FHOD3: variants seen among roughly 807,000 people sequenced by gnomAD.
FHOD3 encodes formin homology 2 domain containing 3, also known as FH1/FH2 domain-containing protein 3.
Under a neutral mutation model 173.0 loss-of-function variants are expected in FHOD3, and 90 were observed. The ratio of observed to expected loss-of-function variants is 0.52; its 90% CI spans 0.44 to 0.62. The LOEUF is 0.62. Among genes scored for constraint, FHOD3 ranks in the 20% least tolerant of loss-of-function variants. FHOD3 has a pLI of 0.00. For synonymous variants in FHOD3, 828 were observed against 823.0 expected, an observed-to-expected ratio of 1.01 and a Z score of -0.10; for missense variants, 1,945 against 2,034.7, an observed-to-expected ratio of 0.96 and a Z score of 0.85.
At chr18:36,426,218 C>A (rs1257190428) in intron 3 of FHOD3, among the ~76,000 whole-genome samples, 5 of 152,108 alleles carry the variant, frequency 3.3e-5, no homozygotes, top group Non-Finnish European at 7.4e-5. Context: ...CACACTATTT[C>A]ATTTCATCCT....
At chr18:36,643,423 A>G (rs2149008374) in intron 10 of FHOD3, among the ~76,000 whole-genome samples, 1 of 152,186 alleles carries the variant, frequency 6.6e-6, no homozygotes, top group Admixed American at 6.5e-5. Context: ...GATGCTGACA[A>G]ATGTCCCCTG....
chr18:36,530,834 T>G (rs1287384562), intron 5 of FHOD3, among the ~76,000 whole-genome samples: 1 of 152,236 alleles, frequency 6.6e-6, no homozygotes, highest in Admixed American at 6.5e-5. Flanking sequence ...GAGTCTTGCA[T>G]TCATCCTGGG....
intron 16 of FHOD3, 32 bp downstream of exon 16, chr18:36,687,210 A>C: frequency 6.5e-7 from 1 of 1,536,200 alleles, no homozygotes; most frequent in Non-Finnish European, 9.0e-7. Context: ...CATTGTAACA[A>C]ATGGCATGTG....
chr18:36,750,099 C>G (rs2042340184), intron 24 of FHOD3, among the ~76,000 whole-genome samples: 1 of 152,102 alleles, frequency 6.6e-6, no homozygotes, highest in South Asian at 2.1e-4. Flanking sequence ...ATCATCCTGG[C>G]TAACACGGTG....
At chr18:36,498,689 A>G (rs1297185772) in intron 3 of FHOD3, among the ~76,000 whole-genome samples, 1 of 152,228 alleles carries the variant, frequency 6.6e-6, no homozygotes, top group African/African-American at 2.4e-5. Context: ...CTGAAAGCAG[A>G]AGGGGAAGGA....
chr18:36,679,117 AATTTCT>A (rs1217186846), intron 14 of FHOD3, among the ~76,000 whole-genome samples: 1 of 151,970 alleles, frequency 6.6e-6, no homozygotes, highest in Admixed American at 6.6e-5. Context: ...GGCTATTCAA[AATTTCT>A]ATTTCTTTCT....
intron 2 of FHOD3, among the ~76,000 whole-genome samples, chr18:36,356,381 G>A (rs1213558959): frequency 1.3e-5 from 2 of 152,204 alleles, no homozygotes; most frequent in African/African-American, 4.8e-5. Context: ...AATCAGAGAT[G>A]TGCACAGAAA....
At chr18:36,712,352 A>G (rs1325858342) in intron 18 of FHOD3, among the ~76,000 whole-genome samples, 1 of 152,242 alleles carries the variant, frequency 6.6e-6, no homozygotes, top group African/African-American at 2.4e-5. Context: ...ATATTGCTTC[A>G]GTGAGCAGTT....
At chr18:36,694,853 G>A (rs184346220) in intron 17 of FHOD3, among the ~76,000 whole-genome samples, 101 of 152,222 alleles carry the variant, frequency 6.6e-4, no homozygotes, top group South Asian at 1.2e-3. Flanking sequence ...GATGTTTGTG[G>A]CAAAAGATAA....
At chr18:36,586,775 T>C (rs1300689226) in intron 6 of FHOD3, among the ~76,000 whole-genome samples, 4 of 152,172 alleles carry the variant, frequency 2.6e-5, no homozygotes, top group Non-Finnish European at 5.9e-5. Flanking sequence ...CCACCGTGCC[T>C]GGCCGCGTGT....
At chr18:36,339,880 C>A (rs2045525868) in intron 1 of FHOD3, among the ~76,000 whole-genome samples, 1 of 152,094 alleles carries the variant, frequency 6.6e-6, no homozygotes, top group Non-Finnish European at 1.5e-5. Context: ...AACATTAGGC[C>A]CCACATTTTT....
At chr18:36,592,561 G>A (rs1393952810) in intron 6 of FHOD3, among the ~76,000 whole-genome samples, 1 of 152,238 alleles carries the variant, frequency 6.6e-6, no homozygotes, top group Non-Finnish European at 1.5e-5. Context: ...GAGCATGATG[G>A]GGAGTGATTG....
At chr18:36,454,921 G>T (rs1330276335) in intron 3 of FHOD3, among the ~76,000 whole-genome samples, 2 of 152,260 alleles carry the variant, frequency 1.3e-5, no homozygotes, top group African/African-American at 4.8e-5. Flanking sequence ...TAACTGACTT[G>T]CTGCTTTTGC....
At chr18:36,713,966 A>G (rs1400870472) in intron 18 of FHOD3, among the ~76,000 whole-genome samples, 1 of 152,214 alleles carries the variant, frequency 6.6e-6, no homozygotes, top group Non-Finnish European at 1.5e-5. Context: ...TATATACCAT[A>G]TATAGAAAAC....
At chr18:36,559,302 C>T (rs554733604) in intron 5 of FHOD3, among the ~76,000 whole-genome samples, 49 of 152,262 alleles carry the variant, frequency 3.2e-4, no homozygotes, top group African/African-American at 1.1e-3. Context: ...TCCCAGAGTC[C>T]TCTCTGCGGC....
rs187327080 is a variant in FHOD3, at chr18:36,497,557, T to C, written c.338-4375T>C. Among the ~76,000 whole-genome samples the C allele has an allele frequency of 4.6e-5, 7 of 152,304 alleles. No homozygotes were observed. In the East Asian group the frequency reaches 1.4e-3, roughly 29 times the overall value. ...ACCATTCACTAACCCAAAGTGTCCA[T>C]ATTCATATCAGAAAAGTAGACTTTA... is the stretch of plus-strand genomic sequence containing the variant. On this transcript the variant is annotated intron_variant, in intron 3 of 28. Coordinates refer to ENST00000590592, the MANE Select transcript of FHOD3 (RefSeq NM_001281740.3).
At chr18:36,698,851 T>C (rs2039426526) in intron 17 of FHOD3, among the ~76,000 whole-genome samples, 1 of 152,004 alleles carries the variant, frequency 6.6e-6, no homozygotes, top group African/African-American at 2.4e-5. Flanking sequence ...TCCCACAGGG[T>C]GATGTGAATA....
chr18:36,667,437 T>C (rs1285847115), intron 14 of FHOD3, among the ~76,000 whole-genome samples: 1 of 152,138 alleles, frequency 6.6e-6, no homozygotes, highest in African/African-American at 2.4e-5. Flanking sequence ...GATAGAGACA[T>C]TGAATTTGTA....
chr18:36,370,348 T>G (rs1388424943), intron 2 of FHOD3, among the ~76,000 whole-genome samples: 1 of 152,040 alleles, frequency 6.6e-6, no homozygotes, highest in Non-Finnish European at 1.5e-5. Flanking sequence ...TCTTCTATGC[T>G]CTCTTAATTT....
Sources: allele counts gnomAD v4.1 joint callset (sites outside exome capture counted in the v4.1 genomes callset), GRCh38; gene constraint gnomAD v4.1.1; transcripts MANE v1.5; gene names NCBI Gene and HGNC (gene_info 2026-07-23, HGNC 2026-07-21).